Variants in DMD observed in about 807,000 individuals in gnomAD.
DMD encodes dystrophin, also known as mutant dystrophin.
Under a neutral mutation model 330.1 loss-of-function variants are expected in DMD, and 63 were observed. The observed-to-expected ratio is 0.19, with a 90% CI of 0.16 to 0.24. The LOEUF (loss-of-function observed/expected upper bound fraction) is 0.24. Among genes scored for constraint, DMD ranks in the 10% least tolerant of loss-of-function variants. DMD has a pLI of 1.00. For missense variants in DMD, 3,344 were observed against 2,684.1 expected (o/e 1.25, Z -5.43); for synonymous variants, 1,223 against 959.8 (o/e 1.27, Z -5.07).
rs57114839 is a variant in DMD at position 32,689,132 on chromosome X, A to G, written c.960+8738T>C. Among the ~76,000 whole-genome samples the G allele has an allele frequency of 8.9e-3, 995 of 111,357 alleles. 14 individuals are homozygous for G. Among genetic ancestry groups the G allele is most frequent in the African/African-American group, 0.03 (924 of 30,734 alleles). On this transcript the variant is annotated intron_variant, in intron 9 of 78. Transcript: ENST00000357033. The stretch of plus-strand genomic sequence containing the variant: ...ATAAATGATGTATTTTGGTTATACT[A>G]TCCTTATAAAATTTTCATACTTAAT...
At chrX:31,648,617 C>CA (rs548846514) in intron 54 of DMD, among the ~76,000 whole-genome samples, 3 of 18,986 alleles carry the variant, frequency 1.6e-4, no homozygotes, top group Non-Finnish European at 2.5e-4. Context: ...AAGGGAGCTG[C>CA]AAAAAAAAAA....
chrX:31,932,004 A>T, intron 46 of DMD, 76 bp downstream of exon 46: 1 of 1,110,802 alleles, frequency 9.0e-7, no homozygotes, highest in Non-Finnish European at 1.2e-6. Context: ...CAGAAAACCA[A>T]TGATTGAATT....
intron 2 of DMD, among the ~76,000 whole-genome samples, chrX:33,010,214 A>ATG (rs1222117101): frequency 0.37 from 32,958 of 89,558 alleles, 5,346 homozygotes; most frequent in Non-Finnish European, 0.44. Flanking sequence ...GTGTGTGTAT[A>ATG]TGTACATATG....
At chrX:32,658,997 G>A (rs184756171) in intron 9 of DMD, among the ~76,000 whole-genome samples, 1 of 111,737 alleles carries the variant, frequency 8.9e-6, no homozygotes, top group South Asian at 3.7e-4. Context: ...AACATACAGC[G>A]ATTGTATTGA....
At chrX:31,745,631 A>G (rs1317137233) in intron 51 of DMD, among the ~76,000 whole-genome samples, 1 of 112,309 alleles carries the variant, frequency 8.9e-6, no homozygotes, top group Admixed American at 9.5e-5. Flanking sequence ...ACTGCACACA[A>G]GGAACATAAA....
chrX:32,152,759 T>C (rs1225786646), intron 44 of DMD, among the ~76,000 whole-genome samples: 1 of 111,906 alleles, frequency 8.9e-6, no homozygotes, highest in Non-Finnish European at 1.9e-5. Flanking sequence ...GTTTTAAATA[T>C]TTTGGGCAAA....
At chrX:32,370,512 C>T (rs1295430229) in intron 34 of DMD, among the ~76,000 whole-genome samples, 2 of 110,756 alleles carry the variant, frequency 1.8e-5, no homozygotes, top group African/African-American at 6.5e-5. Flanking sequence ...TTCATGAAAG[C>T]AGAATGAACT....
At chrX:32,760,897 C>A (rs776247014) in intron 7 of DMD, among the ~76,000 whole-genome samples, 1 of 111,214 alleles carries the variant, frequency 9.0e-6, no homozygotes, top group South Asian at 3.8e-4. Flanking sequence ...CTTGAATATG[C>A]CTTCCTCTTA....
At chrX:33,033,711 C>G (rs2094157140) in intron 1 of DMD, among the ~76,000 whole-genome samples, 1 of 109,333 alleles carries the variant, frequency 9.1e-6, no homozygotes, top group Non-Finnish European at 1.9e-5. Context: ...GAGCGAGACT[C>G]CGTCTCAAAA....
Position 32,206,783 on chromosome X carries a change from G to A in DMD, c.6438+10133C>T, listed in dbSNP as rs183594354. On this transcript the variant is annotated intron_variant, in intron 44 of 78. Coordinates refer to ENST00000357033, the MANE Select transcript of DMD (RefSeq NM_004006.3). The stretch of plus-strand genomic sequence containing the variant: ...TGTTAAAAATTTTCCATCTGATTTC[G>A]TTTCTGTAACAGTTGATATCTGGCT... The A allele has an allele frequency of 9.1e-5, 38 of 416,543 alleles. 1 individual carries two copies. The highest frequency in any genetic ancestry group is 7.9e-4 in the South Asian group (29 of 36,648). 34.3% of individuals were successfully genotyped at this position (416,543 alleles called of 1,213,427 possible). A position where few individuals can be genotyped will look rare whatever the true frequency, so the allele number is the denominator to read the frequency against.
chrX:31,939,182 A>G (rs1415194887), intron 45 of DMD, among the ~76,000 whole-genome samples: 1 of 111,819 alleles, frequency 8.9e-6, no homozygotes, highest in African/African-American at 3.2e-5. Flanking sequence ...TAACCTCCTC[A>G]GGCCATACCC....
At chrX:32,604,569 G>A (rs763780300) in intron 12 of DMD, among the ~76,000 whole-genome samples, 1 of 110,153 alleles carries the variant, frequency 9.1e-6, no homozygotes, top group Non-Finnish European at 1.9e-5. Flanking sequence ...TCAGGCAAGA[G>A]AAAGAAATAA....
At position 32,903,144 on chromosome X, in the gene DMD, CA is replaced by C. The variant is rs34973696; in HGVS notation, c.94-53325del. On this transcript the variant is annotated intron_variant, in intron 2 of 78. Transcript: ENST00000357033. ...TGGGCGACAGAGTGAGACTCAGTCTCAAAAAAAAAAAAAAAAAAAAAGAAAC... is the reference window on the plus strand; with the variant it reads ...TGGGCGACAGAGTGAGACTCAGTCTCAAAAAAAAAAAAAAAAAAAAGAAAC... Among the ~76,000 whole-genome samples, 113 of 32,978 alleles carry C rather than the reference CA, an allele frequency of 3.4e-3. No individual in the cohort carries two copies. The East Asian group carries it at 0.046, about 13-fold the overall frequency. 28.6% of individuals were successfully genotyped at this position (32,978 alleles called of 115,157 possible). A position where few individuals can be genotyped will look rare whatever the true frequency, so the allele number is the denominator to read the frequency against.
intron 50 of DMD, among the ~76,000 whole-genome samples, chrX:31,804,525 T>C (rs944136223): frequency 2.7e-5 from 3 of 112,172 alleles, no homozygotes; most frequent in African/African-American, 6.5e-5. Flanking sequence ...CTCATGTCAC[T>C]AGTCTCTCTA....
chrX:33,128,486 T>A lies in DMD; in HGVS notation c.31+82796A>T, dbSNP rs1603330849. On this transcript the variant is annotated intron_variant, in intron 1 of 78. Coordinates refer to ENST00000357033, the MANE Select transcript of DMD (RefSeq NM_004006.3). ...TCTTCCCTCACCGGCTCAATCTACC[T>A]GATTACGTTCCCTTCTAATCAGTAA... 4.5e-6 allele frequency: 4 copies of A among 884,150 alleles called. No homozygotes were observed. The East Asian group carries it at 2.3e-4, about 50-fold the overall frequency. 72.9% of individuals were successfully genotyped at this position (884,150 alleles called of 1,213,427 possible). A position where few individuals can be genotyped will look rare whatever the true frequency, so the allele number is the denominator to read the frequency against.
intron 17 of DMD, among the ~76,000 whole-genome samples, chrX:32,535,893 G>A (rs1414006199): frequency 9.0e-6 from 1 of 111,407 alleles, no homozygotes; most frequent in Non-Finnish European, 1.9e-5. Flanking sequence ...TTCCCTCAAG[G>A]CGTTTACTGG....
intron 6 of DMD, among the ~76,000 whole-genome samples, chrX:32,812,825 T>C (rs2077467595): frequency 9.0e-6 from 1 of 111,584 alleles, no homozygotes; most frequent in African/African-American, 3.3e-5. Context: ...ATGAAAAATA[T>C]ATAAAAAAAT....
chrX:32,252,992 T>C (rs887539653), intron 43 of DMD, among the ~76,000 whole-genome samples: 2 of 92,646 alleles, frequency 2.2e-5, no homozygotes, highest in South Asian at 8.9e-4. Flanking sequence ...ATATTTATAT[T>C]CAACGGTAAA....
intron 29 of DMD, among the ~76,000 whole-genome samples, chrX:32,420,386 A>G (rs950070617): frequency 8.9e-6 from 1 of 112,093 alleles, no homozygotes; most frequent in African/African-American, 3.2e-5. Flanking sequence ...GATAAAATCA[A>G]GTTGGAAAAG....
Sources: allele counts gnomAD v4.1 joint callset (sites outside exome capture counted in the v4.1 genomes callset), GRCh38; gene constraint gnomAD v4.1.1; transcripts MANE v1.5; gene names NCBI Gene and HGNC (gene_info 2026-07-23, HGNC 2026-07-21).